The following CADM2 variants were observed in gnomAD, a reference collection of about 807,000 sequenced individuals.
The protein encoded by CADM2 is cell adhesion molecule 2, also known as immunoglobulin superfamily member 4D.
In CADM2, 12 loss-of-function variants were observed where a neutral mutation model predicts 49.8. The observed-to-expected ratio is 0.24, with a 90% confidence interval of 0.15 to 0.39. CADM2 has a LOEUF of 0.39. Among genes scored for constraint, CADM2 ranks in the 10% least tolerant of loss-of-function variants. CADM2 has a pLI of 1.00. For missense variants in CADM2, 378 were observed against 492.3 expected (o/e 0.77, Z 2.20); for synonymous variants, 214 against 175.4 (o/e 1.22, Z -1.74).
chr3:85,705,546 A>C (rs539428508), intron 1 of CADM2, among the ~76,000 whole-genome samples: 22 of 152,356 alleles, frequency 1.4e-4, no homozygotes, highest in African/African-American at 4.8e-4. Context: ...TCATCTGTTG[A>C]GAATGTATTC....
intron 2 of CADM2, among the ~76,000 whole-genome samples, chr3:85,754,602 CT>C (rs1440451334): frequency 9.9e-5 from 15 of 152,186 alleles, no homozygotes; most frequent in African/African-American, 3.4e-4. Context: ...TGGGTCTGCA[CT>C]TTGTTTGATT....
In CADM2 at chr3:86,066,938, T is replaced by G. The variant is rs112778285; in HGVS notation, c.*155T>G. Reference sequence around the variant, plus strand: ...GCCAGTGTATACCAACAATCAGCTGTTGAAAGCATCATTCTTTAATTACTG... The same window carrying G: ...GCCAGTGTATACCAACAATCAGCTGGTGAAAGCATCATTCTTTAATTACTG... On this transcript the variant is annotated 3_prime_UTR_variant, in exon 10 of 10. Transcript: ENST00000383699. 2,886 of 636,644 alleles carry G rather than the reference T, an allele frequency of 4.5e-3. 13 individuals carry two copies. The highest frequency in any genetic ancestry group is 0.01 in the Admixed American group (396 of 38,144). The allele number at this position is 636,644 out of a possible 1,614,324, so 39.4% of individuals were successfully genotyped here. A position where few individuals can be genotyped will look rare whatever the true frequency, so the allele number is the denominator to read the frequency against.
rs142531395 is a variant in CADM2, at chr3:85,549,764, C to T, written c.62-176758C>T. On this transcript the variant is annotated intron_variant, in intron 1 of 9. Coordinates refer to ENST00000383699, the MANE Select transcript of CADM2 (RefSeq NM_001167675.2). The stretch of plus-strand genomic sequence containing the variant: ...TCAGCCTCCCAAGTAGCTGGGATTA[C>T]AGGCATGTGCCACCATGCTGGGCTA... 7.5e-3 allele frequency among the ~76,000 whole-genome samples: 1,126 copies of T among 150,646 alleles called. 12 individuals are homozygous for T. The highest frequency in any genetic ancestry group is 0.025 in the African/African-American group (1,011 of 41,108).
intron 1 of CADM2, among the ~76,000 whole-genome samples, chr3:85,132,944 C>G (rs959517393): frequency 7.2e-5 from 11 of 152,120 alleles, no homozygotes; most frequent in African/African-American, 2.7e-4. Flanking sequence ...GGAGTTTGTT[C>G]CTTCTGATAT....
At chr3:86,053,911 G>T (rs903090568) in intron 8 of CADM2, among the ~76,000 whole-genome samples, 27 of 151,918 alleles carry the variant, frequency 1.8e-4, no homozygotes, top group Middle Eastern at 6.8e-3. Flanking sequence ...TAAAACTTTT[G>T]TATATATTAT....
At chr3:85,453,766 C>T (rs543991230) in intron 1 of CADM2, among the ~76,000 whole-genome samples, 1 of 151,990 alleles carries the variant, frequency 6.6e-6, no homozygotes, top group African/African-American at 2.4e-5. Flanking sequence ...TAGATTTAAA[C>T]TATGTTAAAG....
intron 1 of CADM2, among the ~76,000 whole-genome samples, chr3:85,457,942 C>G (rs1303842578): frequency 6.6e-6 from 1 of 151,880 alleles, no homozygotes; most frequent in Non-Finnish European, 1.5e-5. Flanking sequence ...TTATTTTTCA[C>G]AGTTATGATT....
intron 1 of CADM2, among the ~76,000 whole-genome samples, chr3:85,458,043 C>A (rs575793025): frequency 3.3e-5 from 5 of 152,286 alleles, no homozygotes; most frequent in African/African-American, 7.2e-5. Context: ...ACAATTCAAT[C>A]TCTGTTTCAT....
intron 1 of CADM2, among the ~76,000 whole-genome samples, chr3:85,565,861 C>T (rs975634883): frequency 6.8e-6 from 1 of 145,990 alleles, no homozygotes; most frequent in Admixed American, 7.1e-5. Context: ...CTAAACCCTT[C>T]CATCGTTTTC....
intron 1 of CADM2, among the ~76,000 whole-genome samples, chr3:84,959,906 T>G (rs2030292060): frequency 6.6e-6 from 1 of 152,060 alleles, no homozygotes; most frequent in African/African-American, 2.4e-5. Context: ...ACCTTTTGCC[T>G]TCTCATTCAC....
chr3:85,270,605 G>A (rs1297368658), intron 1 of CADM2, among the ~76,000 whole-genome samples: 1 of 151,100 alleles, frequency 6.6e-6, no homozygotes, highest in African/African-American at 2.4e-5. Context: ...AATCTGTGAA[G>A]CTGGCCATGA....
intron 1 of CADM2, among the ~76,000 whole-genome samples, chr3:85,623,186 G>T (rs2064026456): frequency 1.3e-5 from 2 of 152,072 alleles, no homozygotes; most frequent in African/African-American, 4.8e-5. Context: ...TTTATTTTCA[G>T]TGCACACGTT....
chr3:85,019,014 A>G (rs2107283801), intron 1 of CADM2, among the ~76,000 whole-genome samples: 1 of 152,350 alleles, frequency 6.6e-6, no homozygotes, highest in Non-Finnish European at 1.5e-5. Context: ...TACCTGGTTC[A>G]GAAGTGTACA....
At chr3:85,529,130 A>G (rs898349579) in intron 1 of CADM2, among the ~76,000 whole-genome samples, 1 of 152,206 alleles carries the variant, frequency 6.6e-6, no homozygotes, top group Non-Finnish European at 1.5e-5. Context: ...ATAAGAGTTG[A>G]TAATGAGTGT....
At chr3:85,403,104 A>G (rs939322696) in intron 1 of CADM2, among the ~76,000 whole-genome samples, 3 of 152,128 alleles carry the variant, frequency 2.0e-5, no homozygotes, top group Non-Finnish European at 4.4e-5. Context: ...TTTTGGAAGT[A>G]TTAAGGTTTA....
chr3:86,005,717 CT>C (rs1205940775), intron 8 of CADM2, among the ~76,000 whole-genome samples: 1 of 152,124 alleles, frequency 6.6e-6, no homozygotes, highest in Non-Finnish European at 1.5e-5. Flanking sequence ...CAATTATACA[CT>C]TTATTTTAAA....
At chr3:85,106,942 CTTA>C (rs2038249715) in intron 1 of CADM2, among the ~76,000 whole-genome samples, 1 of 152,008 alleles carries the variant, frequency 6.6e-6, no homozygotes, top group African/African-American at 2.4e-5. Context: ...TAAAAGAAAA[CTTA>C]CAGTAGGTAG....
chr3:85,312,686 C>T (rs538769960), intron 1 of CADM2, among the ~76,000 whole-genome samples: 1 of 151,998 alleles, frequency 6.6e-6, no homozygotes, highest in Non-Finnish European at 1.5e-5. Flanking sequence ...AATGTAATTA[C>T]CAAAAATTAA....
At chr3:85,468,025 G>A (rs2038583373) in intron 1 of CADM2, among the ~76,000 whole-genome samples, 1 of 151,398 alleles carries the variant, frequency 6.6e-6, no homozygotes, top group African/African-American at 2.4e-5. Context: ...GCAGTGGCGG[G>A]CGCCTGTAGT....
Sources: gnomAD v4.1 joint callset for allele counts (sites outside exome capture counted in the v4.1 genomes callset) on GRCh38, gnomAD v4.1.1 for gene constraint, MANE v1.5 for transcripts, NCBI Gene and HGNC (gene_info 2026-07-23, HGNC 2026-07-21) for gene names.